VOPP1: variants seen among roughly 807,000 people sequenced by gnomAD.
VOPP1 encodes the protein VOPP1 WW domain binding protein.
VOPP1 carries 8 observed loss-of-function variants against 23.5 expected under a neutral mutation model. The ratio of observed to expected loss-of-function variants is 0.34; its 90% CI spans 0.20 to 0.61. The LOEUF (loss-of-function observed/expected upper bound fraction) is 0.61, where lower values mean the gene tolerates loss of function less well. VOPP1 is among the 20% of genes least tolerant of loss of function. The pLI is 0.78. For missense variants in VOPP1, 174 were observed against 238.1 expected (o/e 0.73, Z 1.77); for synonymous variants, 83 against 97.3 (o/e 0.85, Z 0.86).
At chr7:55,544,938 G>A (rs1005165883) in intron 1 of VOPP1, among the ~76,000 whole-genome samples, 4 of 152,130 alleles carry the variant, frequency 2.6e-5, no homozygotes, top group East Asian at 1.9e-4. Flanking sequence ...TTTTACTTTC[G>A]TGTAATCGGT....
chr7:55,436,665 TGC>T (rs1292689767), intron 4 of VOPP1, among the ~76,000 whole-genome samples: 1 of 151,604 alleles, frequency 6.6e-6, no homozygotes, highest in Non-Finnish European at 1.5e-5. Context: ...TGTGCGTGTG[TGC>T]GTGCGTGTGC....
At chr7:55,538,718 A>G in intron 1 of VOPP1, 1 of 1,495,428 alleles carries the variant, frequency 6.7e-7, no homozygotes, top group Non-Finnish European at 9.0e-7. Context: ...AGGGCGGATT[A>G]AAATGAGTCA....
intron 4 of VOPP1, among the ~76,000 whole-genome samples, chr7:55,451,913 T>G (rs1389799144): frequency 6.6e-6 from 1 of 152,270 alleles, no homozygotes; most frequent in Middle Eastern, 3.4e-3. Flanking sequence ...CTGATCAGGG[T>G]GGTAGTTGCT....
At chr7:55,445,543 A>T in intron 4 of VOPP1, among the ~76,000 whole-genome samples, 1 of 152,174 alleles carries the variant, frequency 6.6e-6, no homozygotes, top group African/African-American at 2.4e-5. Context: ...TACATCTTTT[A>T]TGTTTCTTTC....
chr7:55,543,475 AGTTTTC>A (rs1265010710), intron 1 of VOPP1, among the ~76,000 whole-genome samples: 1 of 152,200 alleles, frequency 6.6e-6, no homozygotes, highest in Non-Finnish European at 1.5e-5. Flanking sequence ...CCATATTCTT[AGTTTTC>A]TGAAGAGCCT....
rs560072963 is a variant in VOPP1 at position 55,503,319 on chromosome 7, G to A, written c.114-5629C>T. Among the ~76,000 whole-genome samples the A allele has an allele frequency of 5.3e-5, 8 of 152,302 alleles. No homozygotes were observed. In the East Asian group the frequency reaches 5.8e-4, roughly 11 times the overall value. On this transcript the variant is annotated intron_variant, in intron 2 of 4. Transcript: ENST00000285279. ...AAACAAATGCAAACAACAGGTGGTC[G>A]CTGTGGGAGTTTTTGGAGCCTAAGA...
At chr7:55,462,673 T>G (rs1791532450) in intron 4 of VOPP1, among the ~76,000 whole-genome samples, 1 of 148,838 alleles carries the variant, frequency 6.7e-6, no homozygotes, top group Non-Finnish European at 1.5e-5. Context: ...TTTTTTTTTT[T>G]GAGACGGAGT....
intron 2 of VOPP1, among the ~76,000 whole-genome samples, chr7:55,500,340 G>A (rs1236322633): frequency 2.6e-5 from 4 of 152,222 alleles, no homozygotes; most frequent in African/African-American, 4.8e-5. Context: ...TAGCAGCCAC[G>A]TGAGAGGGCC....
intron 1 of VOPP1, among the ~76,000 whole-genome samples, chr7:55,539,138 G>A (rs566928104): frequency 6.6e-6 from 1 of 152,220 alleles, no homozygotes; most frequent in Admixed American, 6.5e-5. Context: ...GAGGTCAGGA[G>A]TTCAAGACCA....
chr7:55,517,136 A>G (rs1182817987), intron 2 of VOPP1, among the ~76,000 whole-genome samples: 2 of 150,388 alleles, frequency 1.3e-5, no homozygotes, highest in African/African-American at 4.9e-5. Context: ...TTTAGTAGAG[A>G]CGGGGTTTCA....
intron 4 of VOPP1, among the ~76,000 whole-genome samples, chr7:55,449,850 A>G (rs1469501285): frequency 5.3e-5 from 8 of 152,038 alleles, no homozygotes; most frequent in Non-Finnish European, 1.2e-4. Flanking sequence ...CAACACGCCT[A>G]CTTCTGGGCA....
At chr7:55,480,374 C>T (rs1208504183) in intron 4 of VOPP1, among the ~76,000 whole-genome samples, 2 of 152,172 alleles carry the variant, frequency 1.3e-5, no homozygotes, top group Non-Finnish European at 2.9e-5. Flanking sequence ...TTCATGAATA[C>T]TTCCTTGTGA....
chr7:55,436,635 TGTGTGCGTGC>T (rs1278656138), intron 4 of VOPP1, among the ~76,000 whole-genome samples: 11 of 139,824 alleles, frequency 7.9e-5, no homozygotes, highest in Admixed American at 6.9e-4. Context: ...TGTGTGCGTG[TGTGTGCGTGC>T]GTGGGTGTGT....
chr7:55,440,846 G>A (rs943610091), intron 4 of VOPP1, among the ~76,000 whole-genome samples: 5 of 152,136 alleles, frequency 3.3e-5, no homozygotes, highest in Admixed American at 6.5e-5. Context: ...TTCCTGAGCC[G>A]TACTGAGTAT....
chr7:55,483,983 C>T (rs1168707414), intron 4 of VOPP1, among the ~76,000 whole-genome samples: 1 of 152,190 alleles, frequency 6.6e-6, no homozygotes, highest in Non-Finnish European at 1.5e-5. Context: ...TCTCAAACTC[C>T]TGACCTCAGG....
At chr7:55,568,630 C>A (rs1049634836) in intron 1 of VOPP1, among the ~76,000 whole-genome samples, 4 of 152,134 alleles carry the variant, frequency 2.6e-5, no homozygotes, top group Admixed American at 6.6e-5. Flanking sequence ...CAAACAAATA[C>A]TAAGTAGATT....
At chr7:55,546,081 A>T (rs1797355580) in intron 1 of VOPP1, among the ~76,000 whole-genome samples, 1 of 152,174 alleles carries the variant, frequency 6.6e-6, no homozygotes, top group African/African-American at 2.4e-5. Context: ...AAAAAAAATA[A>T]AATAAAGAAA....
intron 4 of VOPP1, among the ~76,000 whole-genome samples, chr7:55,453,574 C>A (rs1791294600): frequency 6.6e-6 from 1 of 152,144 alleles, no homozygotes; most frequent in African/African-American, 2.4e-5. Context: ...GTAAGGCAGT[C>A]AGAATACACG....
chr7:55,511,786 G>A (rs1355245109), intron 2 of VOPP1, among the ~76,000 whole-genome samples: 3 of 152,152 alleles, frequency 2.0e-5, no homozygotes, highest in Non-Finnish European at 1.5e-5. Context: ...ATATATTGAT[G>A]ATATCTCATG....
Sources: allele counts gnomAD v4.1 joint callset (sites outside exome capture counted in the v4.1 genomes callset), GRCh38; gene constraint gnomAD v4.1.1; transcripts MANE v1.5; gene names NCBI Gene and HGNC (gene_info 2026-07-23, HGNC 2026-07-21).